Variants in AFG1L observed in about 807,000 individuals in gnomAD.
AFG1L encodes AFG1 like ATPase.
AFG1L carries 53 observed loss-of-function variants against 62.2 expected under a neutral mutation model. The observed-to-expected ratio is 0.85, with a 90% CI of 0.68 to 1.07. The LOEUF (loss-of-function observed/expected upper bound fraction) is 1.07, where lower values mean the gene tolerates loss of function less well. Among genes scored for constraint, AFG1L ranks in the 50% least tolerant of loss-of-function variants. AFG1L has a pLI of 0.00. For missense variants in AFG1L, 555 were observed against 590.5 expected (o/e 0.94, Z 0.62); for synonymous variants, 228 against 210.3 (o/e 1.08, Z -0.73).
intron 10 of AFG1L, among the ~76,000 whole-genome samples, chr6:108,500,167 C>CGT (rs1413385578): frequency 2.7e-4 from 20 of 73,100 alleles, no homozygotes; most frequent in South Asian, 1.1e-3. Context: ...TTCCATGGTG[C>CGT]GTGCGTGTGT....
At chr6:108,394,848 A>G (rs972697038) in intron 6 of AFG1L, among the ~76,000 whole-genome samples, 11 of 152,134 alleles carry the variant, frequency 7.2e-5, no homozygotes, top group African/African-American at 2.7e-4. Flanking sequence ...CTGATTTTCC[A>G]TTTTTACCAC....
chr6:108,510,717 C>T (rs973162494), intron 11 of AFG1L, among the ~76,000 whole-genome samples: 1 of 152,186 alleles, frequency 6.6e-6, no homozygotes, highest in African/African-American at 2.4e-5. Context: ...TTCTAAAACA[C>T]AATGTCTTGC....
In AFG1L at chr6:108,338,455, ACT is replaced by A. The variant is rs1380671437; in HGVS notation, c.364-8530_364-8529del. ...TCACAATGCCATTAGTATATCAAAG[ACT>A]CTGAGAAATTCTGCAGTAAACAAAC... On this transcript the variant is annotated intron_variant, in intron 2 of 12. Transcript: ENST00000368977. Among the ~76,000 whole-genome samples the A allele has an allele frequency of 5.9e-5, 9 of 151,964 alleles. No individual in the cohort carries two copies. The South Asian group carries it at 8.3e-4, about 14-fold the overall frequency.
intron 2 of AFG1L, among the ~76,000 whole-genome samples, chr6:108,331,215 G>A (rs1778266201): frequency 1.3e-5 from 2 of 152,138 alleles, no homozygotes; most frequent in South Asian, 4.1e-4. Flanking sequence ...GAGCCCAGAA[G>A]GTTGAGGCTG....
intron 11 of AFG1L, among the ~76,000 whole-genome samples, chr6:108,515,643 C>T (rs145210287): frequency 0.086 from 13,095 of 152,146 alleles, 675 homozygotes; most frequent in South Asian, 0.24. Flanking sequence ...CAAGAAGTAA[C>T]TAAGATCAGA....
At chr6:108,500,074 A>T (rs1774126225) in intron 10 of AFG1L, among the ~76,000 whole-genome samples, 1 of 150,760 alleles carries the variant, frequency 6.6e-6, no homozygotes, top group Non-Finnish European at 1.5e-5. Context: ...TTTTTTTGTT[A>T]ATTTGCTTAG....
At chr6:108,454,934 T>A (rs1487287887) in intron 8 of AFG1L, among the ~76,000 whole-genome samples, 1 of 152,142 alleles carries the variant, frequency 6.6e-6, no homozygotes, top group Non-Finnish European at 1.5e-5. Flanking sequence ...CCACCGTGCC[T>A]GACCCTGAAG....
At chr6:108,351,975 T>G (rs1779099628) in intron 3 of AFG1L, among the ~76,000 whole-genome samples, 1 of 152,230 alleles carries the variant, frequency 6.6e-6, no homozygotes, top group South Asian at 2.1e-4. Context: ...TACATAAAAT[T>G]TACCCTTTTA....
At chr6:108,307,568 G>A (rs1777253052) in intron 1 of AFG1L, among the ~76,000 whole-genome samples, 1 of 151,930 alleles carries the variant, frequency 6.6e-6, no homozygotes, top group Non-Finnish European at 1.5e-5. Flanking sequence ...GCACCACCAC[G>A]CCTGGCTAAT....
intron 1 of AFG1L, among the ~76,000 whole-genome samples, chr6:108,310,544 T>A (rs1777363038): frequency 6.6e-6 from 1 of 152,046 alleles, no homozygotes; most frequent in South Asian, 2.1e-4. Context: ...GCAAATATTT[T>A]CTTCCATTCT....
chr6:108,422,607 C>T (rs369603177), intron 7 of AFG1L, among the ~76,000 whole-genome samples: 1 of 151,202 alleles, frequency 6.6e-6, no homozygotes, highest in African/African-American at 2.4e-5. Flanking sequence ...AATAGCATCT[C>T]TAAGTAAGTT....
At chr6:108,398,554 C>T (rs991943663) in intron 6 of AFG1L, among the ~76,000 whole-genome samples, 2 of 152,100 alleles carry the variant, frequency 1.3e-5, no homozygotes, top group African/African-American at 2.4e-5. Flanking sequence ...GGAGAGTTTC[C>T]CCAATGTTTT....
intron 6 of AFG1L, among the ~76,000 whole-genome samples, chr6:108,367,088 C>G (rs989629040): frequency 2.6e-5 from 4 of 152,134 alleles, no homozygotes; most frequent in East Asian, 3.9e-4. Context: ...CTTTACCCTG[C>G]TCTCTCTTTT....
At chr6:108,495,315 A>G (rs1192683019) in intron 10 of AFG1L, among the ~76,000 whole-genome samples, 2 of 152,208 alleles carry the variant, frequency 1.3e-5, no homozygotes, top group Non-Finnish European at 2.9e-5. Flanking sequence ...ATTCCTACAA[A>G]GGGTTTATAA....
At chr6:108,308,910 T>C (rs1777304077) in intron 1 of AFG1L, among the ~76,000 whole-genome samples, 2 of 152,106 alleles carry the variant, frequency 1.3e-5, no homozygotes, top group Admixed American at 1.3e-4. Context: ...TTTCACCATG[T>C]TGGCCCCGCT....
intron 8 of AFG1L, among the ~76,000 whole-genome samples, chr6:108,461,948 A>T (rs1772476563): frequency 6.6e-6 from 1 of 152,128 alleles, no homozygotes; most frequent in African/African-American, 2.4e-5. Flanking sequence ...CAGAAAAATT[A>T]GCCAGATGTG....
At chr6:108,455,308 T>A (rs910848829) in intron 8 of AFG1L, among the ~76,000 whole-genome samples, 22 of 152,338 alleles carry the variant, frequency 1.4e-4, no homozygotes, top group African/African-American at 5.0e-4. Context: ...GGGGTTTTAA[T>A]AGAACTATTC....
rs553642785 is a variant in AFG1L, at chr6:108,482,614, C to G, written c.1062+5322C>G. ...TACCACATTACCTTAGCTATGTCTCCTTAGGCTTCTCTTGGCTATGGCAGT... is the reference window on the plus strand; with the variant it reads ...TACCACATTACCTTAGCTATGTCTCGTTAGGCTTCTCTTGGCTATGGCAGT... On this transcript the variant is annotated intron_variant, in intron 10 of 12. Coordinates refer to ENST00000368977, the MANE Select transcript of AFG1L (RefSeq NM_145315.5). Among the ~76,000 whole-genome samples, 112 of 152,212 alleles carry G rather than the reference C, an allele frequency of 7.4e-4. 1 individual carries two copies. The highest frequency in any genetic ancestry group is 2.6e-3 in the African/African-American group (106 of 41,538).
At chr6:108,389,512 G>A (rs1194968848) in intron 6 of AFG1L, among the ~76,000 whole-genome samples, 2 of 152,198 alleles carry the variant, frequency 1.3e-5, no homozygotes, top group Non-Finnish European at 2.9e-5. Context: ...GCAGTGGCTA[G>A]TACCAGTTGT....
Sources: allele counts gnomAD v4.1 joint callset (sites outside exome capture counted in the v4.1 genomes callset), GRCh38; gene constraint gnomAD v4.1.1; transcripts MANE v1.5; gene names NCBI Gene and HGNC (gene_info 2026-07-23, HGNC 2026-07-21).